Variants in TRPM3 observed in about 807,000 individuals in gnomAD.
The protein encoded by TRPM3 is long transient receptor potential channel 3.
A neutral mutation model predicts 181.2 loss-of-function variants in TRPM3; 77 were observed. The observed-to-expected ratio is 0.42, with a 90% CI of 0.35 to 0.51. The LOEUF (loss-of-function observed/expected upper bound fraction) is 0.51. TRPM3 is among the 20% of genes least tolerant of loss of function. The pLI is 0.01. For missense variants in TRPM3, 1,759 were observed against 2,196.7 expected (o/e 0.80, Z 3.98); for synonymous variants, 745 against 796.4 (o/e 0.94, Z 1.09).
chr9:71,326,446 C>T (rs1316645324), intron 1 of TRPM3, among the ~76,000 whole-genome samples: 1 of 152,156 alleles, frequency 6.6e-6, no homozygotes, highest in Non-Finnish European at 1.5e-5. Flanking sequence ...ATGTATTTAA[C>T]TCTTGGAAGG....
chr9:70,600,846 C>T (rs1318908674), intron 20 of TRPM3, among the ~76,000 whole-genome samples: 1 of 152,214 alleles, frequency 6.6e-6, no homozygotes, highest in Admixed American at 6.5e-5. Flanking sequence ...TTTCCTAAAA[C>T]TGCTAAACAC....
chr9:71,132,158 A>C (rs1290513375), intron 1 of TRPM3, among the ~76,000 whole-genome samples: 3 of 152,212 alleles, frequency 2.0e-5, no homozygotes, highest in South Asian at 4.1e-4. Flanking sequence ...ACCCATAATG[A>C]TGCTGAGATA....
rs1306117462 is a variant in TRPM3 at position 70,536,312 on chromosome 9, C to T, written c.4801G>A (p.Glu1601Lys). 1 of 1,614,178 alleles carries T rather than the reference C, an allele frequency of 6.2e-7. No homozygotes were observed. Among genetic ancestry groups the T allele is most frequent in the African/African-American group, 1.3e-5 (1 of 75,050 alleles). Residue 1601 changes from glutamate to lysine, a missense_variant, in exon 26 of 26, where the codon GAA (glutamate) becomes AAA (lysine). Coordinates refer to ENST00000677713, the MANE Select transcript of TRPM3 (RefSeq NM_001366145.2). The stretch of plus-strand genomic sequence containing the variant: ...CTGTCAGAGCTGGGGTGACTCAGTT[C>T]TGCTTCTCGCTCTGGATGGCAGCAA... ...LTCCHPEREAELSHPSSDSEE... is the reference protein window; with the variant it reads ...LTCCHPEREAKLSHPSSDSEE...
At chr9:70,847,308 T>G (rs1234617235) in intron 3 of TRPM3, among the ~76,000 whole-genome samples, 2 of 152,320 alleles carry the variant, frequency 1.3e-5, no homozygotes, top group East Asian at 3.9e-4. Flanking sequence ...TATATATAGA[T>G]ACTCATTTAG....
intron 4 of TRPM3, among the ~76,000 whole-genome samples, chr9:70,845,701 G>T (rs1049432969): frequency 5.9e-5 from 9 of 152,182 alleles, no homozygotes; most frequent in Non-Finnish European, 1.0e-4. Context: ...TCAGACTTCA[G>T]GCTGGGGGAG....
At chr9:71,343,795 A>G (rs1358359647) in intron 1 of TRPM3, among the ~76,000 whole-genome samples, 1 of 152,132 alleles carries the variant, frequency 6.6e-6, no homozygotes, top group African/African-American at 2.4e-5. Flanking sequence ...GAAATTGATT[A>G]TTCCAGGTCT....
At chr9:71,440,071 C>T (rs963504538) in intron 1 of TRPM3, among the ~76,000 whole-genome samples, 4 of 151,954 alleles carry the variant, frequency 2.6e-5, no homozygotes, top group South Asian at 4.2e-4. Context: ...TGCAGTGAGC[C>T]GAGATTGAGC....
chr9:71,419,538 G>A (rs1353335392), intron 1 of TRPM3, among the ~76,000 whole-genome samples: 1 of 151,882 alleles, frequency 6.6e-6, no homozygotes. Context: ...CATAAATCTT[G>A]AATTATCTTA....
chr9:70,564,038 G>A (rs545292891), intron 22 of TRPM3, among the ~76,000 whole-genome samples: 1 of 152,284 alleles, frequency 6.6e-6, no homozygotes, highest in African/African-American at 2.4e-5. Context: ...GAAGGAATCA[G>A]TTTCCTTGCC....
At chr9:70,989,383 G>A (rs191262298) in intron 1 of TRPM3, among the ~76,000 whole-genome samples, 1 of 152,240 alleles carries the variant, frequency 6.6e-6, no homozygotes, top group East Asian at 1.9e-4. Flanking sequence ...CCTTTAGTTT[G>A]TAATAAATCC....
At chr9:70,826,549 G>C (rs2093568531) in intron 6 of TRPM3, 1 of 152,154 alleles carries the variant, frequency 6.6e-6, no homozygotes, top group Non-Finnish European at 1.5e-5. Flanking sequence ...TCCCTAAAAG[G>C]TGGGACCAGA....
intron 1 of TRPM3, among the ~76,000 whole-genome samples, chr9:71,126,739 T>C (rs1180558471): frequency 1.3e-5 from 2 of 152,182 alleles, no homozygotes; most frequent in Non-Finnish European, 2.9e-5. Flanking sequence ...ATAACTACAA[T>C]TGTTATCTAT....
chr9:71,226,160 C>A, intron 1 of TRPM3, among the ~76,000 whole-genome samples: 1 of 148,924 alleles, frequency 6.7e-6, no homozygotes. Context: ...TCATGGTAAT[C>A]TCAAATTTAA....
chr9:71,036,930 C>T (rs545360372), intron 1 of TRPM3, among the ~76,000 whole-genome samples: 1 of 152,002 alleles, frequency 6.6e-6, no homozygotes, highest in Non-Finnish European at 1.5e-5. Flanking sequence ...TTTGGACAAC[C>T]CACTACAACA....
At chr9:71,403,545 G>T (rs1384661673) in intron 1 of TRPM3, among the ~76,000 whole-genome samples, 1 of 152,148 alleles carries the variant, frequency 6.6e-6, no homozygotes, top group Non-Finnish European at 1.5e-5. Flanking sequence ...TATATGCCAG[G>T]TTCTATTATG....
At chr9:70,888,375 G>GT (rs2096130899) in intron 1 of TRPM3, among the ~76,000 whole-genome samples, 1 of 151,106 alleles carries the variant, frequency 6.6e-6, no homozygotes, top group Admixed American at 6.6e-5. Context: ...GTGTGTGTGT[G>GT]TGTGTGTGTG....
chr9:70,859,581 G>C (rs1276411479), intron 3 of TRPM3, among the ~76,000 whole-genome samples: 1 of 152,094 alleles, frequency 6.6e-6, no homozygotes, highest in Non-Finnish European at 1.5e-5. Context: ...TATTATTGTG[G>C]TTATCATTAC....
intron 6 of TRPM3, among the ~76,000 whole-genome samples, chr9:70,822,928 G>T (rs537665246): frequency 6.6e-6 from 1 of 152,090 alleles, no homozygotes; most frequent in Non-Finnish European, 1.5e-5. Flanking sequence ...TCTAGCAAGG[G>T]CCCGGTGTTT....
At chr9:71,286,963 A>ATATATAATTATATTATATAATATAAT (rs1565424434) in intron 1 of TRPM3, among the ~76,000 whole-genome samples, 1 of 138,190 alleles carries the variant, frequency 7.2e-6, no homozygotes, top group Non-Finnish European at 1.5e-5. Context: ...TATATAAATT[A>ATATATAATTATATTATATAATATAAT]TATATAATAT....
Sources: gnomAD v4.1 joint callset for allele counts (sites outside exome capture counted in the v4.1 genomes callset) on GRCh38, gnomAD v4.1.1 for gene constraint, MANE v1.5 for transcripts, NCBI Gene and HGNC (gene_info 2026-07-23, HGNC 2026-07-21) for gene names.